MOB1B: variants seen among roughly 807,000 people sequenced by gnomAD.
MOB1B encodes MOB kinase activator 1B.
MOB1B carries 19 observed loss-of-function variants against 24.4 expected under a neutral mutation model. That is an observed-to-expected ratio of 0.78 (90% confidence interval 0.54 to 1.14). MOB1B has a LOEUF of 1.14. Ranked by LOEUF, MOB1B falls within the 50% of genes most tolerant of loss-of-function variation. The probability of loss-of-function intolerance (pLI) is 0.00; values close to 1 mark genes in which losing one functional copy is unlikely to be tolerated. For synonymous variants in MOB1B, 76 were observed against 82.1 expected (o/e 0.93, Z 0.40); for missense variants, 243 against 259.6 (o/e 0.94, Z 0.44).
chr4:70,926,421 GA>G (rs1407948909), intron 1 of MOB1B, among the ~76,000 whole-genome samples: 2 of 152,116 alleles, frequency 1.3e-5, no homozygotes, highest in Non-Finnish European at 2.9e-5. Flanking sequence ...CTGCCTACTG[GA>G]GGGTAACGAA....
intron 4 of MOB1B, among the ~76,000 whole-genome samples, chr4:70,978,129 A>G (rs1233550680): frequency 6.6e-6 from 1 of 151,978 alleles, no homozygotes; most frequent in Non-Finnish European, 1.5e-5. Context: ...TTTATTCTCT[A>G]TCTCTGTATA....
intron 1 of MOB1B, among the ~76,000 whole-genome samples, chr4:70,944,505 T>G (rs1264720953): frequency 6.6e-6 from 1 of 152,176 alleles, no homozygotes; most frequent in Non-Finnish European, 1.5e-5. Flanking sequence ...CTGTAATATT[T>G]TAAGATTGTT....
chr4:70,934,210 G>A (rs1278397917), intron 1 of MOB1B, among the ~76,000 whole-genome samples: 1 of 150,348 alleles, frequency 6.7e-6, no homozygotes, highest in Non-Finnish European at 1.5e-5. Context: ...TCAGCCTACC[G>A]AGTAGCCAGG....
intron 1 of MOB1B, among the ~76,000 whole-genome samples, chr4:70,903,627 G>A (rs1347721681): frequency 6.6e-6 from 1 of 152,100 alleles, no homozygotes; most frequent in African/African-American, 2.4e-5. Context: ...GCATTTAAAG[G>A]ATATTTTCTT....
intron 1 of MOB1B, among the ~76,000 whole-genome samples, chr4:70,939,148 T>G (rs1037590906): frequency 2.0e-5 from 3 of 152,238 alleles, no homozygotes; most frequent in Non-Finnish European, 4.4e-5. Context: ...TTCCTTTCAC[T>G]TAGACACAAC....
At chr4:70,953,325 C>G (rs920739347) in intron 1 of MOB1B, among the ~76,000 whole-genome samples, 2 of 152,044 alleles carry the variant, frequency 1.3e-5, no homozygotes, top group Non-Finnish European at 2.9e-5. Flanking sequence ...GGAGAAGATT[C>G]AGGTAGCAGC....
At chr4:70,936,036 A>G (rs1578367431) in intron 1 of MOB1B, among the ~76,000 whole-genome samples, 1 of 151,928 alleles carries the variant, frequency 6.6e-6, no homozygotes, top group African/African-American at 2.4e-5. Flanking sequence ...TATTTTTAGT[A>G]GAGACGGGGT....
At chr4:70,931,486 A>G (rs1285314142) in intron 1 of MOB1B, among the ~76,000 whole-genome samples, 1 of 152,184 alleles carries the variant, frequency 6.6e-6, no homozygotes, top group Admixed American at 6.5e-5. Context: ...GTTAGAGAAG[A>G]TTTATGATTG....
At chr4:70,978,576 A>G (rs1407607121) in intron 4 of MOB1B, among the ~76,000 whole-genome samples, 1 of 152,100 alleles carries the variant, frequency 6.6e-6, no homozygotes, top group Non-Finnish European at 1.5e-5. Context: ...CTCCACAGGG[A>G]TTTTCTATTT....
At chr4:70,973,630 C>CT (rs1007870241) in intron 3 of MOB1B, among the ~76,000 whole-genome samples, 1 of 152,100 alleles carries the variant, frequency 6.6e-6, no homozygotes, top group Admixed American at 6.5e-5. Flanking sequence ...GTGATTTTGA[C>CT]TGTGAAAGTG....
intron 2 of MOB1B, among the ~76,000 whole-genome samples, chr4:70,969,627 C>T (rs1346262912): frequency 6.6e-6 from 1 of 152,138 alleles, no homozygotes; most frequent in Non-Finnish European, 1.5e-5. Context: ...TCACATTTTT[C>T]AGCTGTGTTG....
At chr4:70,931,146 C>T (rs985067147) in intron 1 of MOB1B, among the ~76,000 whole-genome samples, 12 of 152,056 alleles carry the variant, frequency 7.9e-5, no homozygotes, top group African/African-American at 2.9e-4. Flanking sequence ...ACCATAAGCT[C>T]ATGCTTAAAG....
At chr4:70,955,474 T>C (rs2148892166) in intron 1 of MOB1B, among the ~76,000 whole-genome samples, 1 of 149,008 alleles carries the variant, frequency 6.7e-6, no homozygotes, top group South Asian at 2.2e-4. Context: ...CTTTTTTTTT[T>C]TTTTTTTTTT....
intron 3 of MOB1B, among the ~76,000 whole-genome samples, chr4:70,972,400 G>T (rs1738794143): frequency 6.6e-6 from 1 of 152,008 alleles, no homozygotes; most frequent in African/African-American, 2.4e-5. Flanking sequence ...TTTTAGTATA[G>T]ACGGGGTTTC....
Position 70,934,241 on chromosome 4 carries a change from G to T in MOB1B, c.15-24633G>T, listed in dbSNP as rs548619188. ...CCAGGATTACAGGCATGTACCACAT[G>T]TGCCTGGCTAATTTTTGTATTTTTA... On this transcript the variant is annotated intron_variant, in intron 1 of 5. Coordinates refer to ENST00000309395, the MANE Select transcript of MOB1B (RefSeq NM_173468.4). 2.0e-5 allele frequency among the ~76,000 whole-genome samples: 3 copies of T among 149,522 alleles called. No homozygotes were observed. In the East Asian group the frequency reaches 6.2e-4, roughly 31 times the overall value.
At chr4:70,902,622 C>G (rs1353711790) in intron 1 of MOB1B, 72 bp downstream of exon 1, 7 of 1,424,790 alleles carry the variant, frequency 4.9e-6, no homozygotes, top group Admixed American at 2.1e-5. Context: ...GCCCGCCGCC[C>G]GTCGCCCGCC....
At chr4:70,940,057 C>A (rs919467127) in intron 1 of MOB1B, among the ~76,000 whole-genome samples, 1 of 151,976 alleles carries the variant, frequency 6.6e-6, no homozygotes, top group Non-Finnish European at 1.5e-5. Context: ...GCTGTCCTGC[C>A]GGTGTGCTCC....
At position 70,983,595 on chromosome 4, in the gene MOB1B, T is replaced by C. The variant is rs548964407; in HGVS notation, c.*1538T>C. On this transcript the variant is annotated 3_prime_UTR_variant, in exon 6 of 6. Coordinates refer to ENST00000309395, the MANE Select transcript of MOB1B (RefSeq NM_173468.4). ...ATATCCTTCCTTCAGTTGAAACATA[T>C]ACCTTTTTCACATCTAGGAAGAAAT... 2.0e-5 allele frequency: 3 copies of C among 152,712 alleles called. No homozygotes were observed. The highest frequency in any genetic ancestry group is 3.9e-4 in the East Asian group (2 of 5,192). 9.5% of individuals were successfully genotyped at this position (152,712 alleles called of 1,614,324 possible).
At chr4:70,932,919 A>G (rs1470706568) in intron 1 of MOB1B, among the ~76,000 whole-genome samples, 1 of 152,204 alleles carries the variant, frequency 6.6e-6, no homozygotes, top group Non-Finnish European at 1.5e-5. Context: ...TGACTTATCT[A>G]TAGTATACTG....
Sources: allele counts gnomAD v4.1 joint callset (sites outside exome capture counted in the v4.1 genomes callset), GRCh38; gene constraint gnomAD v4.1.1; transcripts MANE v1.5; gene names NCBI Gene and HGNC (gene_info 2026-07-23, HGNC 2026-07-21).